SLC10A7: variants seen among roughly 807,000 people sequenced by gnomAD.
SLC10A7 encodes sodium/bile acid cotransporter 7.
In SLC10A7, 29 loss-of-function variants were observed where a neutral mutation model predicts 43.2. The observed-to-expected ratio is 0.67, with a 90% CI of 0.50 to 0.92. The LOEUF is 0.92. SLC10A7 is among the 40% of genes least tolerant of loss of function. SLC10A7 has a pLI of 0.00. For synonymous variants in SLC10A7, 152 were observed against 144.8 expected, an observed-to-expected ratio of 1.05 and a Z score of -0.35; for missense variants, 295 against 403.2, an observed-to-expected ratio of 0.73 and a Z score of 2.30.
At chr4:146,471,348 G>T (rs975925842) in intron 4 of SLC10A7, among the ~76,000 whole-genome samples, 14 of 152,088 alleles carry the variant, frequency 9.2e-5, no homozygotes, top group African/African-American at 2.9e-4. Context: ...GGACCAACTG[G>T]GTTTTCTTTT....
intron 5 of SLC10A7, among the ~76,000 whole-genome samples, chr4:146,398,700 AAAC>A (rs1344201098): frequency 9.2e-5 from 14 of 152,370 alleles, no homozygotes; most frequent in African/African-American, 3.1e-4. Flanking sequence ...AGGCAGAAAC[AAAC>A]AACAAGTACA....
intron 5 of SLC10A7, among the ~76,000 whole-genome samples, chr4:146,360,247 C>CTAAA (rs10641470): frequency 0.82 from 123,908 of 151,720 alleles, 51,391 homozygotes; most frequent in African/African-American, 0.95. Flanking sequence ...TACCAACTTC[C>CTAAA]TAGTCTCCAA....
rs906027941 is a variant in SLC10A7, at chr4:146,494,323, C to T, written c.396+9526G>A. Among the ~76,000 whole-genome samples, 6 of 152,186 alleles carry T rather than the reference C, an allele frequency of 3.9e-5. No homozygotes were observed. The East Asian group carries it at 5.8e-4, about 15-fold the overall frequency. On this transcript the variant is annotated intron_variant, in intron 4 of 11. Coordinates refer to ENST00000335472, the MANE Select transcript of SLC10A7 (RefSeq NM_001029998.6). ...AGGGTATTCTGTGCTCAAGGTCAGG[C>T]GGCCTATCAGCAAAGGTGGTGATAT... is the stretch of plus-strand genomic sequence containing the variant.
At chr4:146,334,134 T>G (rs913326607) in intron 5 of SLC10A7, among the ~76,000 whole-genome samples, 20 of 152,044 alleles carry the variant, frequency 1.3e-4, no homozygotes, top group Admixed American at 1.3e-3. Flanking sequence ...GAACTGGGGA[T>G]GCACAGACTC....
chr4:146,456,628 G>A (rs1437143703), intron 4 of SLC10A7, among the ~76,000 whole-genome samples: 1 of 151,900 alleles, frequency 6.6e-6, no homozygotes, highest in Non-Finnish European at 1.5e-5. Context: ...GCAAGGTCTG[G>A]GAAGGAGTGC....
chr4:146,356,251 G>A (rs897150344), intron 5 of SLC10A7, among the ~76,000 whole-genome samples: 5 of 151,822 alleles, frequency 3.3e-5, no homozygotes, highest in Non-Finnish European at 2.9e-5. Context: ...CATTTATTAC[G>A]CACATGAAAT....
chr4:146,455,402 C>A (rs757112132), intron 4 of SLC10A7, among the ~76,000 whole-genome samples: 92 of 151,884 alleles, frequency 6.1e-4, no homozygotes, highest in Admixed American at 1.2e-3. Flanking sequence ...ATTCCCCTAA[C>A]ACTTTGTTTA....
intron 4 of SLC10A7, among the ~76,000 whole-genome samples, chr4:146,470,924 T>C (rs1733513867): frequency 6.6e-6 from 1 of 152,222 alleles, no homozygotes; most frequent in South Asian, 2.1e-4. Flanking sequence ...TCTTTACATA[T>C]ATCACTTCAT....
intron 6 of SLC10A7, among the ~76,000 whole-genome samples, chr4:146,308,719 T>G (rs1731754595): frequency 6.6e-6 from 1 of 152,142 alleles, no homozygotes; most frequent in Non-Finnish European, 1.5e-5. Flanking sequence ...TGTCTCATAC[T>G]GCCAATCCAT....
chr4:146,316,678 G>A (rs1732345639), intron 6 of SLC10A7, among the ~76,000 whole-genome samples: 1 of 152,014 alleles, frequency 6.6e-6, no homozygotes, highest in Admixed American at 6.6e-5. Flanking sequence ...ATACTTCAGG[G>A]AAAGTTTCAC....
chr4:146,482,947 C>T (rs1177205850), intron 4 of SLC10A7, among the ~76,000 whole-genome samples: 2 of 151,464 alleles, frequency 1.3e-5, no homozygotes, highest in Admixed American at 6.6e-5. Context: ...ATTCAAAGTA[C>T]TGAAAGAAAA....
Position 146,304,356 on chromosome 4 carries a change from T to G in SLC10A7, c.555+1570A>C, listed in dbSNP as rs556793765. On this transcript the variant is annotated intron_variant, in intron 7 of 11. Coordinates refer to ENST00000335472, the MANE Select transcript of SLC10A7 (RefSeq NM_001029998.6). ...GGAGACCTTATCAAAAGTTGCAGAA[T>G]AAGGTAAAGACTTGCTAGATGTCTG... Among the ~76,000 whole-genome samples the G allele has an allele frequency of 2.6e-5, 4 of 152,048 alleles. No individual in the cohort carries two copies. In the South Asian group the frequency reaches 6.3e-4, roughly 24 times the overall value.
chr4:146,295,844 C>T (rs967962097), intron 7 of SLC10A7, among the ~76,000 whole-genome samples: 3 of 152,040 alleles, frequency 2.0e-5, no homozygotes, highest in Non-Finnish European at 2.9e-5. Context: ...GTTTTTAATA[C>T]ACAATGGTTA....
At chr4:146,468,760 C>T (rs1733286630) in intron 4 of SLC10A7, among the ~76,000 whole-genome samples, 1 of 152,094 alleles carries the variant, frequency 6.6e-6, no homozygotes, top group South Asian at 2.1e-4. Flanking sequence ...CCGCGCCTGG[C>T]CAGCAAGGCT....
intron 5 of SLC10A7, among the ~76,000 whole-genome samples, chr4:146,342,212 C>T (rs911839649): frequency 6.6e-6 from 1 of 151,612 alleles, no homozygotes; most frequent in Non-Finnish European, 1.5e-5. Flanking sequence ...ATAAGCACAC[C>T]TCATTCTTTT....
At chr4:146,256,645 A>T in intron 11 of SLC10A7, 125 bp from the exon 12 acceptor site, 1 of 1,131,808 alleles carries the variant, frequency 8.8e-7, no homozygotes, top group South Asian at 1.3e-5. Flanking sequence ...GCATCATATA[A>T]CCAATAATCC....
At chr4:146,517,773 C>T (rs1440884979) in intron 1 of SLC10A7, among the ~76,000 whole-genome samples, 1 of 152,030 alleles carries the variant, frequency 6.6e-6, no homozygotes, top group Admixed American at 6.5e-5. Context: ...TACCCCCGAG[C>T]CCAAAGAAGG....
chr4:146,297,534 T>C (rs1730868043), intron 7 of SLC10A7, among the ~76,000 whole-genome samples: 2 of 152,194 alleles, frequency 1.3e-5, no homozygotes, highest in South Asian at 2.1e-4. Context: ...ATTATGTCTT[T>C]ACCCTATTCA....
At chr4:146,485,335 C>G (rs1201491509) in intron 4 of SLC10A7, among the ~76,000 whole-genome samples, 1 of 152,112 alleles carries the variant, frequency 6.6e-6, no homozygotes, top group Non-Finnish European at 1.5e-5. Context: ...ACTTTGGAAG[C>G]AGGACTTCAA....
Sources: allele counts gnomAD v4.1 joint callset (sites outside exome capture counted in the v4.1 genomes callset), GRCh38; gene constraint gnomAD v4.1.1; transcripts MANE v1.5; gene names NCBI Gene and HGNC (gene_info 2026-07-23, HGNC 2026-07-21).